The following PLXDC2 variants were observed in gnomAD, a reference collection of about 807,000 sequenced individuals.
The protein encoded by PLXDC2 is plexin domain containing 2, also known as plexin domain-containing protein 2.
A neutral mutation model predicts 68.9 loss-of-function variants in PLXDC2; 40 were observed. That is an observed-to-expected ratio of 0.58 (90% confidence interval 0.45 to 0.76). The LOEUF (loss-of-function observed/expected upper bound fraction) is 0.76, where lower values mean the gene tolerates loss of function less well. PLXDC2 is among the 30% of genes least tolerant of loss of function. PLXDC2 has a pLI of 0.00. For synonymous variants in PLXDC2, 243 were observed against 234.2 expected (o/e 1.04, Z -0.34); for missense variants, 644 against 661.9 (o/e 0.97, Z 0.30).
chr10:20,037,816 C>G (rs1835604569), intron 2 of PLXDC2, among the ~76,000 whole-genome samples: 1 of 152,110 alleles, frequency 6.6e-6, no homozygotes, highest in Admixed American at 6.6e-5. Context: ...GAGATGGTTA[C>G]TGGGAAAATG....
At chr10:19,832,058 T>C (rs1005955307) in intron 1 of PLXDC2, among the ~76,000 whole-genome samples, 2 of 152,182 alleles carry the variant, frequency 1.3e-5, no homozygotes. Flanking sequence ...AACAAATGGG[T>C]TTTTCGTTTA....
intron 1 of PLXDC2, among the ~76,000 whole-genome samples, chr10:19,818,154 A>C (rs576943241): frequency 6.6e-5 from 10 of 152,026 alleles, no homozygotes; most frequent in Non-Finnish European, 1.5e-4. Flanking sequence ...AAAAAGAAAA[A>C]ACTTGGAGGG....
intron 4 of PLXDC2, among the ~76,000 whole-genome samples, chr10:20,136,997 A>T (rs1833943121): frequency 6.6e-6 from 1 of 152,220 alleles, no homozygotes; most frequent in Admixed American, 6.5e-5. Flanking sequence ...TGTAAGGAGA[A>T]ATATATCAAA....
intron 4 of PLXDC2, among the ~76,000 whole-genome samples, chr10:20,107,084 T>C (rs1833501495): frequency 6.7e-6 from 1 of 148,512 alleles, no homozygotes; most frequent in African/African-American, 2.5e-5. Flanking sequence ...ATAGTATATA[T>C]ATACACTATA....
At chr10:20,082,492 C>T (rs536074478) in intron 4 of PLXDC2, among the ~76,000 whole-genome samples, 125 of 97,104 alleles carry the variant, frequency 1.3e-3, no homozygotes, top group African/African-American at 6.9e-3. Context: ...TAATATCACT[C>T]CTAATAAGTG....
chr10:20,028,167 C>T lies in PLXDC2; in HGVS notation c.325-18702C>T, dbSNP rs147841225. 5.9e-5 allele frequency among the ~76,000 whole-genome samples: 9 copies of T among 152,284 alleles called. No individual in the cohort carries two copies. In the East Asian group the frequency reaches 1.5e-3, roughly 26 times the overall value. On this transcript the variant is annotated intron_variant, in intron 2 of 13. Coordinates refer to ENST00000377252, the MANE Select transcript of PLXDC2 (RefSeq NM_032812.9). The stretch of plus-strand genomic sequence containing the variant: ...TTGGTGTTACTTGCTTTTAATTCAG[C>T]GGTTCTCAGACTGGTCTGCACGTTG...
chr10:19,974,940 G>A (rs1589565087), intron 1 of PLXDC2, among the ~76,000 whole-genome samples: 1 of 152,160 alleles, frequency 6.6e-6, no homozygotes, highest in East Asian at 1.9e-4. Flanking sequence ...ATGAAAATGA[G>A]TGTGTTAGAC....
chr10:20,022,974 G>A (rs1835337915), intron 2 of PLXDC2, among the ~76,000 whole-genome samples: 1 of 151,506 alleles, frequency 6.6e-6, no homozygotes, highest in Non-Finnish European at 1.5e-5. Flanking sequence ...TCCAAAGGGG[G>A]AGACAAACAC....
At chr10:19,989,991 G>A (rs540790929) in intron 1 of PLXDC2, among the ~76,000 whole-genome samples, 8 of 151,884 alleles carry the variant, frequency 5.3e-5, no homozygotes, top group East Asian at 1.9e-4. Context: ...CTCCTGATCC[G>A]CCCGACTCAG....
chr10:20,155,209 T>G (rs1027777904), intron 6 of PLXDC2, among the ~76,000 whole-genome samples: 3 of 152,200 alleles, frequency 2.0e-5, no homozygotes, highest in African/African-American at 7.2e-5. Flanking sequence ...TTCTCTTATT[T>G]AAACTGTAAT....
At chr10:20,150,091 A>C (rs1484964283) in intron 6 of PLXDC2, among the ~76,000 whole-genome samples, 2 of 152,146 alleles carry the variant, frequency 1.3e-5, no homozygotes, top group African/African-American at 4.8e-5. Flanking sequence ...ACCTACATTG[A>C]CATTGACACA....
intron 2 of PLXDC2, among the ~76,000 whole-genome samples, chr10:20,021,993 A>G (rs893312576): frequency 6.6e-6 from 1 of 152,192 alleles, no homozygotes. Flanking sequence ...CACCACGCCC[A>G]GCTCACATTT....
At chr10:20,016,369 T>C (rs759993258) in intron 2 of PLXDC2, among the ~76,000 whole-genome samples, 1 of 152,190 alleles carries the variant, frequency 6.6e-6, no homozygotes, top group Non-Finnish European at 1.5e-5. Context: ...ACGGAGTCCA[T>C]GTGACAAGAA....
chr10:19,999,973 A>G (rs1376941224), intron 1 of PLXDC2, among the ~76,000 whole-genome samples: 1 of 152,176 alleles, frequency 6.6e-6, no homozygotes, highest in Non-Finnish European at 1.5e-5. Context: ...CCTACTAGAC[A>G]GAATTCCAGC....
At chr10:19,866,218 A>G (rs895514478) in intron 1 of PLXDC2, among the ~76,000 whole-genome samples, 1 of 152,272 alleles carries the variant, frequency 6.6e-6, no homozygotes, top group Admixed American at 6.5e-5. Context: ...AAACAACACA[A>G]ATTTATTGTC....
chr10:19,961,552 GT>G (rs1834154172), intron 1 of PLXDC2, among the ~76,000 whole-genome samples: 1 of 152,214 alleles, frequency 6.6e-6, no homozygotes, highest in Non-Finnish European at 1.5e-5. Context: ...GACATGATCA[GT>G]TCTAGAATTC....
At chr10:20,230,785 A>G (rs143128380) in intron 12 of PLXDC2, among the ~76,000 whole-genome samples, 1,530 of 150,806 alleles carry the variant, frequency 0.01, 14 homozygotes, top group Non-Finnish European at 0.017. Flanking sequence ...AAAAATTAAG[A>G]AGGATATATA....
At chr10:20,070,882 C>T (rs1051534903) in intron 4 of PLXDC2, 4 of 151,982 alleles carry the variant, frequency 2.6e-5, no homozygotes, top group Non-Finnish European at 5.9e-5. Flanking sequence ...TTTCTCCTAG[C>T]GGAACTGGCA....
intron 4 of PLXDC2, among the ~76,000 whole-genome samples, chr10:20,122,165 C>G (rs900332523): frequency 6.6e-6 from 1 of 151,916 alleles, no homozygotes; most frequent in Non-Finnish European, 1.5e-5. Context: ...GTGGGGATAA[C>G]TAAAAGGAAT....
Sources: gnomAD v4.1 joint callset for allele counts (sites outside exome capture counted in the v4.1 genomes callset) on GRCh38, gnomAD v4.1.1 for gene constraint, MANE v1.5 for transcripts, NCBI Gene and HGNC (gene_info 2026-07-23, HGNC 2026-07-21) for gene names.